Variants in CENPE observed in about 807,000 individuals in gnomAD.
CENPE encodes centromere-associated protein E.
A neutral mutation model predicts 336.1 loss-of-function variants in CENPE; 145 were observed. That is an observed-to-expected ratio of 0.43 (90% CI 0.38 to 0.50). CENPE has a LOEUF of 0.50. CENPE is among the 20% of genes least tolerant of loss of function. The pLI, the probability that CENPE is intolerant of heterozygous loss-of-function variation, is 0.00. For missense variants in CENPE, 2,719 were observed against 3,023.3 expected (o/e 0.90, Z 2.36); for synonymous variants, 1,013 against 984.8 (o/e 1.03, Z -0.54).
At chr4:103,119,839 T>A (rs1415600917) in intron 44 of CENPE, among the ~76,000 whole-genome samples, 1 of 152,154 alleles carries the variant, frequency 6.6e-6, no homozygotes, top group Non-Finnish European at 1.5e-5. Flanking sequence ...AAAATTTACT[T>A]ATCTAATAGT....
rs1279060543 is a variant in CENPE at position 103,143,234 on chromosome 4, TA to T, written c.5304+13del. ...CAAACTCTCAGTAACTGAGATAACT[TA>T]AAAATAAAATACCTGTGCTTTTAAG... On this transcript the variant is annotated intron_variant, in intron 34 of 48. Coordinates refer to ENST00000265148, the MANE Select transcript of CENPE (RefSeq NM_001813.3). 1 of 1,559,332 alleles carries T rather than the reference TA, an allele frequency of 6.4e-7. No individual in the cohort carries two copies. The highest frequency in any genetic ancestry group is 8.7e-7 in the Non-Finnish European group (1 of 1,153,278).
intron 35 of CENPE, among the ~76,000 whole-genome samples, chr4:103,141,321 T>A (rs1480021698): frequency 6.6e-6 from 1 of 152,198 alleles, no homozygotes; most frequent in Non-Finnish European, 1.5e-5. Context: ...TGTAAATCTA[T>A]GAAACTACAA....
rs770382591 is a variant in CENPE at position 103,108,835 on chromosome 4, T to C, written c.7979A>G (p.Tyr2660Cys). 1.2e-6 allele frequency: 2 copies of C among 1,613,740 alleles called. No homozygotes were observed. The highest frequency in any genetic ancestry group is 1.1e-5 in the South Asian group (1 of 91,040). The change falls in exon 48 of 49, where the codon TAT becomes TGT. Residue 2660 changes from tyrosine to cysteine, a missense_variant. Transcript: ENST00000265148. Reference sequence around the variant, plus strand: ...AAGGCCTAAACTTGAGTTATCAAAATAGCGAACTGGATGAGGTGATGGTAA... The same window carrying C: ...AAGGCCTAAACTTGAGTTATCAAAACAGCGAACTGGATGAGGTGATGGTAA... ...KSLPSPHPVR[Y>C]FDNSSLGLCP...
chr4:103,192,990 G>A lies in CENPE; in HGVS notation c.693+1239C>T, dbSNP rs113546182. Among the ~76,000 whole-genome samples, 254 of 151,742 alleles carry A rather than the reference G, an allele frequency of 1.7e-3. 3 individuals carry two copies. The highest frequency in any genetic ancestry group is 5.8e-3 in the African/African-American group (238 of 41,382). ...GTAGAAAACAGAGGAGTACAGCTAA[G>A]AGAAACTGGATATTATCATCCCACC... is the stretch of plus-strand genomic sequence containing the variant. On this transcript the variant is annotated intron_variant, in intron 8 of 48. Coordinates refer to ENST00000265148, the MANE Select transcript of CENPE (RefSeq NM_001813.3).
At chr4:103,114,609 A>G in intron 45 of CENPE, 57 bp from the exon 46 acceptor site, 2 of 1,093,000 alleles carry the variant, frequency 1.8e-6, no homozygotes, top group Non-Finnish European at 2.7e-6. Context: ...TTACAGGAGA[A>G]TAAACAGAAC....
intron 48 of CENPE, 128 bp from the exon 49 acceptor site, chr4:103,106,444 C>A: frequency 3.6e-6 from 2 of 547,970 alleles, no homozygotes; most frequent in African/African-American, 1.9e-5. Context: ...CGTGATTCAC[C>A]GTGTTTGGTC....
At chr4:103,132,960 T>TTATATACATATATATATATATATATATA (rs1751727405) in intron 41 of CENPE, 64 bp from the exon 42 acceptor site, 1 of 144,300 alleles carries the variant, frequency 6.9e-6, no homozygotes, top group South Asian at 2.3e-4. Context: ...AATATTTTAT[T>TTATATACATATATATATATATATATATA]TATATATATA....
chr4:103,138,507 T>C (rs1009855404), intron 38 of CENPE, 58 bp from the exon 39 acceptor site: 2 of 1,064,806 alleles, frequency 1.9e-6, no homozygotes, highest in Admixed American at 1.8e-5. Context: ...TCACATATAA[T>C]GTCTAATCGC....
chr4:103,122,515 C>A (rs1750725981), intron 43 of CENPE, among the ~76,000 whole-genome samples: 1 of 152,120 alleles, frequency 6.6e-6, no homozygotes, highest in African/African-American at 2.4e-5. Context: ...CTATTTCTCT[C>A]CAAGCTAATA....
intron 9 of CENPE, among the ~76,000 whole-genome samples, chr4:103,185,070 C>T (rs529547974): frequency 3.9e-4 from 60 of 151,964 alleles, no homozygotes; most frequent in Non-Finnish European, 2.9e-4. Flanking sequence ...TTTGGGAGGC[C>T]GAGGTGGGCG....
chr4:103,122,918 T>G lies in CENPE; in HGVS notation c.7096A>C (p.Asn2366His), dbSNP rs1482481895. 5.0e-6 allele frequency: 8 copies of G among 1,613,784 alleles called. No homozygotes were observed. Among genetic ancestry groups the G allele is most frequent in the Non-Finnish European group, 6.8e-6 (8 of 1,179,806 alleles). ...CTTGATGTAACATGAGGATTCTTAT[T>G]GTCTTGTGTGGTAGGATTAACCTGG... ...GAQVNPTTQD[N>H]KNPHVTSRAT... The change falls in exon 43 of 49, where the codon AAT becomes CAT. Residue 2366 changes from asparagine (N) to histidine (H), a missense_variant. Transcript: ENST00000265148.
chr4:103,106,964 T>C (rs1748954006), intron 48 of CENPE, among the ~76,000 whole-genome samples: 1 of 152,238 alleles, frequency 6.6e-6, no homozygotes, highest in Admixed American at 6.5e-5. Flanking sequence ...TAGGCTACTC[T>C]TTTATTTATC....
Position 103,116,153 on chromosome 4 carries a change from CTATAAACTAAAAGGAAATATAA to C in CENPE, c.7442+402_7442+423del, listed in dbSNP as rs1269023907. The stretch of plus-strand genomic sequence containing the variant: ...GGATTTGCTCTTGGGCCCTAGGGAA[CTATAAACTAAAAGGAAATATAA>C]TCTTCACACAGAAACACAGTAAGGC... On this transcript the variant is annotated intron_variant, in intron 45 of 48. Coordinates refer to ENST00000265148, the MANE Select transcript of CENPE (RefSeq NM_001813.3). Among the ~76,000 whole-genome samples the C allele has an allele frequency of 2.6e-5, 4 of 151,740 alleles. No homozygotes were observed. The East Asian group carries it at 7.7e-4, about 29-fold the overall frequency.
intron 25 of CENPE, 125 bp downstream of exon 25, chr4:103,152,922 C>T (rs899819067): frequency 1.0e-5 from 7 of 696,206 alleles, no homozygotes; most frequent in South Asian, 6.3e-5. Context: ...TGTTAAAAGT[C>T]GTCAGACCAT....
In CENPE at chr4:103,162,360, A is replaced by G. The variant is rs1319251517; in HGVS notation, c.1842+777T>C. Reference sequence around the variant, plus strand: ...AACTGGAACCAAACATATATAAGTAATCAGGTATACTGAAAGCAAACTGAA... The same window carrying G: ...AACTGGAACCAAACATATATAAGTAGTCAGGTATACTGAAAGCAAACTGAA... On this transcript the variant is annotated intron_variant, in intron 18 of 48. Transcript: ENST00000265148. Among the ~76,000 whole-genome samples, 5 of 152,152 alleles carry G rather than the reference A, an allele frequency of 3.3e-5. 1 individual carries two copies. Among genetic ancestry groups the G allele is most frequent in the African/African-American group, 1.2e-4 (5 of 41,436 alleles).
chr4:103,145,142 T>C lies in CENPE; in HGVS notation c.4765A>G (p.Ile1589Val). 6.2e-7 allele frequency: 1 copy of C among 1,612,850 alleles called. No homozygotes were observed. The highest frequency in any genetic ancestry group is 8.5e-7 in the Non-Finnish European group (1 of 1,179,484). Residue 1589 changes from isoleucine to valine, a missense_variant, in exon 32 of 49, where the codon ATT becomes GTT. By Grantham distance (29) the Ile-to-Val change is conservative (BLOSUM62 3). Around this residue, in one of 5 missense-constraint regions of CENPE, gnomAD observed 2,437 missense variants for 2,513.3 expected, o/e 0.97. Coordinates refer to ENST00000265148, the MANE Select transcript of CENPE (RefSeq NM_001813.3). The stretch of plus-strand genomic sequence containing the variant: ...CTTTTCATTTCCTCTTTTTCCTTAA[T>C]CATAATTTGTATTTCTTCTTGACTT... The part of the protein sequence containing the change: ...QESQEEIQIM[I>V]KEKEEMKRVQ...
intron 42 of CENPE, among the ~76,000 whole-genome samples, chr4:103,129,331 A>G (rs1751387879): frequency 6.6e-6 from 1 of 152,172 alleles, no homozygotes; most frequent in Non-Finnish European, 1.5e-5. Context: ...ACAACCTACA[A>G]TCTCTTCTAG....
At position 103,163,460 on chromosome 4, in the gene CENPE, T is replaced by C; in HGVS notation, c.1722+19A>G. Reference sequence around the variant, plus strand: ...AGTTCTAATTGCTTATCAATAGAAATACCAACATGAATGCTCACCTCAAGA... The same window carrying C: ...AGTTCTAATTGCTTATCAATAGAAACACCAACATGAATGCTCACCTCAAGA... On this transcript the variant is annotated intron_variant, in intron 17 of 48. Coordinates refer to ENST00000265148, the MANE Select transcript of CENPE (RefSeq NM_001813.3). 1 of 1,541,172 alleles carries C rather than the reference T, an allele frequency of 6.5e-7. No homozygotes were observed. The highest frequency in any genetic ancestry group is 1.7e-5 in the Admixed American group (1 of 58,370).
chr4:103,197,474 G>A (rs1024608545), intron 1 of CENPE, among the ~76,000 whole-genome samples: 1 of 152,132 alleles, frequency 6.6e-6, no homozygotes, highest in Admixed American at 6.5e-5. Context: ...GTATCCTAAT[G>A]GTTTCTTTAT....
Sources: gnomAD v4.1 joint callset for allele counts (sites outside exome capture counted in the v4.1 genomes callset) on GRCh38, gnomAD v4.1.1 for gene constraint, gnomAD v4.1.1 regional missense constraint, MANE v1.5 for transcripts, NCBI Gene and HGNC (gene_info 2026-07-23, HGNC 2026-07-21) for gene names.